PDE4D: variants seen among roughly 807,000 people sequenced by gnomAD.
PDE4D encodes 3',5'-cyclic-AMP phosphodiesterase 4D.
PDE4D carries 24 observed loss-of-function variants against 87.4 expected under a neutral mutation model. The ratio of observed to expected loss-of-function variants is 0.27; its 90% CI spans 0.20 to 0.39. PDE4D has a LOEUF of 0.39. Among genes scored for constraint, PDE4D ranks in the 10% least tolerant of loss-of-function variants. The probability of loss-of-function intolerance (pLI) is 1.00; values close to 1 mark genes in which losing one functional copy is unlikely to be tolerated. For synonymous variants in PDE4D, 384 were observed against 383.2 expected (o/e 1.00, Z -0.02); for missense variants, 714 against 1,041.0 (o/e 0.69, Z 4.32).
chr5:59,493,289 A>T (rs1355619367), intron 1 of PDE4D, among the ~76,000 whole-genome samples: 1 of 152,210 alleles, frequency 6.6e-6, no homozygotes, highest in African/African-American at 2.4e-5. Flanking sequence ...CCGTGTACTA[A>T]AGCAGTTCAT....
At chr5:59,180,566 A>C in intron 5 of PDE4D, 29 bp downstream of exon 5, 1 of 1,602,680 alleles carries the variant, frequency 6.2e-7, no homozygotes. Context: ...TCCTAGACAC[A>C]TGAAGAATAA....
At chr5:59,914,296 A>G (rs1011020866) in intron 3 of PDE4D, among the ~76,000 whole-genome samples, 1 of 152,096 alleles carries the variant, frequency 6.6e-6, no homozygotes, top group Non-Finnish European at 1.5e-5. Context: ...GTGGTTAAGG[A>G]GCCTGGGAAA....
At chr5:59,698,425 G>A (rs1752103651) in intron 1 of PDE4D, among the ~76,000 whole-genome samples, 1 of 151,872 alleles carries the variant, frequency 6.6e-6, no homozygotes, top group African/African-American at 2.4e-5. Context: ...TTTCTGGCAT[G>A]AGCGCTTTAA....
intron 1 of PDE4D, among the ~76,000 whole-genome samples, chr5:59,244,764 T>C (rs1758508017): frequency 6.8e-6 from 1 of 147,518 alleles, no homozygotes; most frequent in South Asian, 2.2e-4. Context: ...CATAATAGGA[T>C]ATATATGACC....
chr5:59,109,633 T>C (rs1772270349), intron 5 of PDE4D, among the ~76,000 whole-genome samples: 1 of 152,156 alleles, frequency 6.6e-6, no homozygotes, highest in Non-Finnish European at 1.5e-5. Flanking sequence ...CTGTAGCCTA[T>C]TGGGCCCAGC....
chr5:59,727,046 T>G (rs180784899), intron 1 of PDE4D, among the ~76,000 whole-genome samples: 1 of 152,150 alleles, frequency 6.6e-6, no homozygotes, highest in East Asian at 1.9e-4. Context: ...ATACGATATA[T>G]AATAAGGTAT....
chr5:60,427,055 T>C (rs37692), intron 1 of PDE4D, among the ~76,000 whole-genome samples: 17,006 of 152,082 alleles, frequency 0.11, 1,414 homozygotes, highest in East Asian at 0.4. Context: ...AACTAAGATT[T>C]AGGAATAGGT....
At chr5:59,210,766 T>C (rs1229309356) in intron 2 of PDE4D, among the ~76,000 whole-genome samples, 1 of 152,214 alleles carries the variant, frequency 6.6e-6, no homozygotes, top group African/African-American at 2.4e-5. Context: ...ATTCTATGTG[T>C]TGGTGTTAAT....
At chr5:59,410,174 CTCCCCACTACCCT>C (rs1792399542) in intron 1 of PDE4D, among the ~76,000 whole-genome samples, 1 of 151,934 alleles carries the variant, frequency 6.6e-6, no homozygotes, top group Non-Finnish European at 1.5e-5. Context: ...CTTATTCTTC[CTCCCCACTACCCT>C]TCCCACTCTT....
chr5:59,777,502 A>G (rs1307628335), intron 1 of PDE4D, among the ~76,000 whole-genome samples: 2 of 152,192 alleles, frequency 1.3e-5, no homozygotes, highest in Non-Finnish European at 2.9e-5. Context: ...TGGACCTACA[A>G]ATCACCTGGA....
At chr5:60,376,296 A>T (rs1290753908) in intron 1 of PDE4D, among the ~76,000 whole-genome samples, 1 of 152,140 alleles carries the variant, frequency 6.6e-6, no homozygotes, top group Non-Finnish European at 1.5e-5. Context: ...CATCATCCTT[A>T]TTTAACAGAA....
chr5:59,285,281 A>C (rs867807220), intron 1 of PDE4D, among the ~76,000 whole-genome samples: 2 of 152,130 alleles, frequency 1.3e-5, no homozygotes, highest in Middle Eastern at 3.4e-3. Context: ...CTAGCACAAT[A>C]TCTGGCTTAC....
chr5:60,070,396 G>C (rs1772578949), intron 2 of PDE4D, among the ~76,000 whole-genome samples: 1 of 151,996 alleles, frequency 6.6e-6, no homozygotes, highest in African/African-American at 2.4e-5. Context: ...TTACTAGTTT[G>C]AGTTTTTAAT....
At chr5:60,086,907 C>T (rs1272674645) in intron 2 of PDE4D, among the ~76,000 whole-genome samples, 1 of 152,166 alleles carries the variant, frequency 6.6e-6, no homozygotes, top group Non-Finnish European at 1.5e-5. Flanking sequence ...CTGGATGATG[C>T]CATAGTGCTG....
At chr5:59,093,477 C>T (rs531504332) in intron 5 of PDE4D, among the ~76,000 whole-genome samples, 1 of 152,164 alleles carries the variant, frequency 6.6e-6, no homozygotes, top group Admixed American at 6.5e-5. Context: ...ATTTGTCATG[C>T]TCCCCAGACA....
At chr5:59,055,947 G>A (rs1166469766) in intron 5 of PDE4D, among the ~76,000 whole-genome samples, 1 of 152,198 alleles carries the variant, frequency 6.6e-6, no homozygotes, top group Admixed American at 6.5e-5. Flanking sequence ...TGGCCTCAAG[G>A]CGTCTACCAT....
At chr5:60,337,453 G>A (rs1314159663) in intron 1 of PDE4D, among the ~76,000 whole-genome samples, 1 of 147,126 alleles carries the variant, frequency 6.8e-6, no homozygotes, top group Non-Finnish European at 1.5e-5. Flanking sequence ...GAAGATGTGG[G>A]GAGACACTGG....
chr5:59,465,533 A>G (rs1801462089), intron 1 of PDE4D, among the ~76,000 whole-genome samples: 2 of 152,148 alleles, frequency 1.3e-5, no homozygotes, highest in Non-Finnish European at 2.9e-5. Context: ...AAAATTTTAT[A>G]CATATTTTTA....
intron 2 of PDE4D, among the ~76,000 whole-genome samples, chr5:60,014,668 C>T (rs944970125): frequency 1.3e-5 from 2 of 152,138 alleles, no homozygotes; most frequent in East Asian, 1.9e-4. Flanking sequence ...AAATAGCTTT[C>T]GCCCAATGGA....
Sources: gnomAD v4.1 joint callset for allele counts (sites outside exome capture counted in the v4.1 genomes callset) on GRCh38, gnomAD v4.1.1 for gene constraint, MANE v1.5 for transcripts, NCBI Gene and HGNC (gene_info 2026-07-23, HGNC 2026-07-21) for gene names.